The following PXK variants were observed in gnomAD, a reference collection of about 807,000 sequenced individuals.
PXK encodes the protein PX domain containing serine/threonine kinase like.
In PXK, 35 loss-of-function variants were observed where a neutral mutation model predicts 84.7. The ratio of observed to expected loss-of-function variants is 0.41; its 90% CI spans 0.32 to 0.55. The LOEUF is 0.55. Ranked by LOEUF, PXK falls within the 20% of genes least tolerant of loss-of-function variation. PXK has a pLI of 0.21. For missense variants in PXK, 634 were observed against 699.7 expected (o/e 0.91, Z 1.06); for synonymous variants, 253 against 260.8 (o/e 0.97, Z 0.29).
At position 58,346,852 on chromosome 3, in the gene PXK, T is replaced by TG. The variant is rs1208649413; in HGVS notation, c.102+13768dup. Among the ~76,000 whole-genome samples the TG allele has an allele frequency of 1.8e-4, 17 of 92,828 alleles. 1 individual carries two copies. Among genetic ancestry groups the TG allele is most frequent in the African/African-American group, 6.6e-4 (16 of 24,206 alleles). 60.9% of individuals were successfully genotyped at this position (92,828 alleles called of 152,430 possible). The stretch of plus-strand genomic sequence containing the variant: ...GTGTCCTTTTTTTGGGAGGGTGGGG[T>TG]GGGGGGCACGGAGTCTGGCTCCGTC... On this transcript the variant is annotated intron_variant, in intron 1 of 17. Coordinates refer to ENST00000356151, the MANE Select transcript of PXK (RefSeq NM_017771.5).
chr3:58,417,476 T>C (rs2061161730), intron 17 of PXK, among the ~76,000 whole-genome samples: 1 of 152,306 alleles, frequency 6.6e-6, no homozygotes, highest in South Asian at 2.1e-4. Flanking sequence ...CTTTTCTTAC[T>C]GTAGCTTCTT....
chr3:58,353,797 TA>T (rs2108121659), intron 1 of PXK, among the ~76,000 whole-genome samples: 1 of 152,332 alleles, frequency 6.6e-6, no homozygotes, highest in African/African-American at 2.4e-5. Flanking sequence ...ATTTAGGTTA[TA>T]AACAGTCTGA....
intron 17 of PXK, 35 bp from the exon 18 acceptor site, chr3:58,424,717 A>C (rs774938598): frequency 1.2e-6 from 2 of 1,603,046 alleles, no homozygotes; most frequent in East Asian, 2.2e-5. Context: ...GCAGCTGTGG[A>C]GGTGAATACT....
chr3:58,381,705 G>A (rs1257023994), intron 3 of PXK, among the ~76,000 whole-genome samples: 1 of 152,144 alleles, frequency 6.6e-6, no homozygotes, highest in Non-Finnish European at 1.5e-5. Context: ...TTAGGGACAG[G>A]ATGTGTGTGA....
intron 4 of PXK, among the ~76,000 whole-genome samples, chr3:58,388,212 A>G (rs28417694): frequency 0.073 from 11,104 of 152,240 alleles, 524 homozygotes; most frequent in South Asian, 0.1. Context: ...CCCTGACCCT[A>G]AGTGAAAAAA....
intron 1 of PXK, among the ~76,000 whole-genome samples, chr3:58,356,413 G>A (rs2098081156): frequency 6.6e-6 from 1 of 152,080 alleles, no homozygotes; most frequent in Admixed American, 6.5e-5. Flanking sequence ...TATGTACTCT[G>A]TCGATCCTGT....
At chr3:58,340,210 C>G (rs113969915) in intron 1 of PXK, among the ~76,000 whole-genome samples, 6,909 of 151,328 alleles carry the variant, frequency 0.046, 558 homozygotes, top group African/African-American at 0.16. Context: ...GTAGCCTTGA[C>G]CTCTCCAGCT....
chr3:58,376,500 A>T (rs2098444063), intron 3 of PXK, among the ~76,000 whole-genome samples: 1 of 152,182 alleles, frequency 6.6e-6, no homozygotes, highest in South Asian at 2.1e-4. Context: ...CCCAGTTTGT[A>T]AGAACCTATA....
intron 2 of PXK, among the ~76,000 whole-genome samples, chr3:58,368,848 C>T (rs943073514): frequency 5.9e-5 from 9 of 152,164 alleles, no homozygotes; most frequent in Admixed American, 3.3e-4. Flanking sequence ...TTGACTATAG[C>T]CTAATCAATG....
In PXK at chr3:58,421,883, G is replaced by A. The variant is rs1426243442; in HGVS notation, c.1529-2869G>A. The A allele has an allele frequency of 4.1e-6, 4 of 985,286 alleles. No individual in the cohort carries two copies. The highest frequency in any genetic ancestry group is 4.8e-6 in the Non-Finnish European group (4 of 829,932). The allele number at this position is 985,286 out of a possible 1,614,324, so 61.0% of individuals were successfully genotyped here. ...CTGTTTGCAGCATCCCCCTTCCTGG[G>A]TGCAAATTCAGGTATCATAAGTCTA... On this transcript the variant is annotated intron_variant, in intron 17 of 17. Transcript: ENST00000356151. The surrounding 1 kb of genome is among the most constrained non-coding windows in gnomAD (Gnocchi z 5.5).
In PXK at chr3:58,407,088, T is replaced by C. The variant is rs1183699694; in HGVS notation, c.1231-1836T>C. Among the ~76,000 whole-genome samples, 1 of 152,200 alleles carries C rather than the reference T, an allele frequency of 6.6e-6. No homozygotes were observed. The highest frequency in any genetic ancestry group is 1.5e-5 in the Non-Finnish European group (1 of 68,022). On this transcript the variant is annotated intron_variant, in intron 13 of 17. Transcript: ENST00000356151. The surrounding 1 kb of genome is among the most constrained non-coding windows in gnomAD (Gnocchi z 4.3). Reference sequence around the variant, plus strand: ...TTTGGATGTATACCCAGAAGTGGAATTCCTCATATGGTAGTTCCATTTTGT... The same window carrying C: ...TTTGGATGTATACCCAGAAGTGGAACTCCTCATATGGTAGTTCCATTTTGT...
intron 12 of PXK, among the ~76,000 whole-genome samples, chr3:58,403,213 C>T (rs1358477543): frequency 2.0e-5 from 3 of 152,010 alleles, no homozygotes; most frequent in Non-Finnish European, 4.4e-5. Context: ...CCATGCTGCC[C>T]ACTCTGGTCT....
At position 58,409,442 on chromosome 3, in the gene PXK, A is replaced by G; in HGVS notation, c.1309-90A>G. ...AGGAAAGATTTTCTTTTATCCCAAT[A>G]AAATGTGGTTTGCCAAAACATGTTG... On this transcript the variant is annotated intron_variant, in intron 14 of 17. Transcript: ENST00000356151. This position sits in a 1 kb window ranked among gnomAD's most constrained non-coding sequence, Gnocchi z 4.2. 3.3e-6 allele frequency: 4 copies of G among 1,210,382 alleles called. No individual in the cohort carries two copies. The highest frequency in any genetic ancestry group is 1.5e-5 in the African/African-American group (1 of 65,140). 75.0% of individuals were successfully genotyped at this position (1,210,382 alleles called of 1,614,324 possible).
chr3:58,415,912 G>C (rs1279637706), intron 17 of PXK, among the ~76,000 whole-genome samples: 3 of 152,214 alleles, frequency 2.0e-5, no homozygotes, highest in East Asian at 1.9e-4. Context: ...GGACATCTTG[G>C]GGGTAGGGGG....
chr3:58,384,936 GTT>G (rs1403738784), intron 4 of PXK, among the ~76,000 whole-genome samples: 1 of 152,168 alleles, frequency 6.6e-6, no homozygotes, highest in African/African-American at 2.4e-5. Context: ...TCATGAATGA[GTT>G]CACCTAAGGC....
intron 17 of PXK, chr3:58,420,858 G>A (rs2061718231): frequency 1.6e-6 from 2 of 1,220,628 alleles, no homozygotes; most frequent in South Asian, 2.1e-5. Flanking sequence ...TGGCATTTTG[G>A]TATATTTTAA....
At chr3:58,389,286 A>G (rs2098598682) in intron 4 of PXK, among the ~76,000 whole-genome samples, 1 of 152,134 alleles carries the variant, frequency 6.6e-6, no homozygotes. Context: ...TTTGTTGATG[A>G]AAGCTATAAT....
intron 9 of PXK, 83 bp downstream of exon 9, chr3:58,395,842 C>A: frequency 9.2e-7 from 1 of 1,090,860 alleles, no homozygotes; most frequent in Non-Finnish European, 1.4e-6. Flanking sequence ...AAGTAATATC[C>A]AAAATTACTT....
intron 7 of PXK, among the ~76,000 whole-genome samples, chr3:58,392,171 C>T (rs1194466614): frequency 6.8e-6 from 1 of 147,414 alleles, no homozygotes; most frequent in Non-Finnish European, 1.5e-5. Flanking sequence ...GATACTCTTT[C>T]CAGCCTGAGA....
Sources: gnomAD v4.1 joint callset for allele counts (sites outside exome capture counted in the v4.1 genomes callset) on GRCh38, gnomAD v4.1.1 for gene constraint, Gnocchi (gnomAD v3.1) non-coding constraint, MANE v1.5 for transcripts, NCBI Gene and HGNC (gene_info 2026-07-23, HGNC 2026-07-21) for gene names.